Variants in HGSNAT observed in about 807,000 individuals in gnomAD.
HGSNAT encodes heparan-alpha-glucosaminide N-acetyltransferase.
In HGSNAT, 59 loss-of-function variants were observed where a neutral mutation model predicts 85.2. The ratio of observed to expected loss-of-function variants is 0.69; its 90% CI spans 0.56 to 0.86. HGSNAT has a LOEUF of 0.86. HGSNAT is among the 40% of genes least tolerant of loss of function. The pLI, the probability that HGSNAT is intolerant of heterozygous loss-of-function variation, is 0.00. For missense variants in HGSNAT, 756 were observed against 777.1 expected, an observed-to-expected ratio of 0.97 and a Z score of 0.32; for synonymous variants, 321 against 304.5, an observed-to-expected ratio of 1.05 and a Z score of -0.56.
At chr8:43,152,252 T>A (rs1213406649) in intron 2 of HGSNAT, among the ~76,000 whole-genome samples, 2 of 151,918 alleles carry the variant, frequency 1.3e-5, no homozygotes, top group Non-Finnish European at 2.9e-5. Flanking sequence ...GAGCATGCCA[T>A]TGCACTCCAG....
At chr8:43,180,767 G>C in intron 10 of HGSNAT, 1 of 269,730 alleles carries the variant, frequency 3.7e-6, no homozygotes, top group Non-Finnish European at 7.2e-6. Flanking sequence ...GTTGCAGCGA[G>C]CCGAGATCAC....
intron 2 of HGSNAT, among the ~76,000 whole-genome samples, chr8:43,157,363 T>C (rs1453999934): frequency 6.6e-6 from 1 of 152,218 alleles, no homozygotes; most frequent in Non-Finnish European, 1.5e-5. Flanking sequence ...AATATATTGC[T>C]TTAATTTGAT....
At chr8:43,157,040 A>G (rs1803116380) in intron 2 of HGSNAT, among the ~76,000 whole-genome samples, 1 of 152,212 alleles carries the variant, frequency 6.6e-6, no homozygotes, top group Admixed American at 6.5e-5. Flanking sequence ...CCAGATTAGT[A>G]TGGCTATATT....
chr8:43,164,202 G>T (rs1473565019), intron 5 of HGSNAT, among the ~76,000 whole-genome samples: 1 of 152,218 alleles, frequency 6.6e-6, no homozygotes, highest in Non-Finnish European at 1.5e-5. Flanking sequence ...GGGACAGTGG[G>T]TGAGAGGACA....
chr8:43,177,984 C>T, intron 9 of HGSNAT, 90 bp from the exon 10 acceptor site: 1 of 1,044,762 alleles, frequency 9.6e-7, no homozygotes. Flanking sequence ...ATTATGGTTG[C>T]TTCTCTTTTA....
intron 11 of HGSNAT, among the ~76,000 whole-genome samples, chr8:43,183,230 G>A (rs1055013088): frequency 6.6e-6 from 1 of 152,156 alleles, no homozygotes; most frequent in South Asian, 2.1e-4. Flanking sequence ...GCAGGGGCAC[G>A]ATCTCAACTC....
chr8:43,173,649 AC>A (rs1586728478), intron 8 of HGSNAT, 63 bp from the exon 9 acceptor site: 1 of 1,546,452 alleles, frequency 6.5e-7, no homozygotes, highest in East Asian at 2.3e-5. Context: ...TGAAGTCCAC[AC>A]TAGATTTAGG....
intron 17 of HGSNAT, 139 bp from the exon 18 acceptor site, chr8:43,199,249 T>G: frequency 1.7e-6 from 1 of 602,908 alleles, no homozygotes; most frequent in East Asian, 2.8e-5. Context: ...AAGATATGCA[T>G]TACTTATTTT....
At chr8:43,161,320 A>C in intron 4 of HGSNAT, 118 bp from the exon 5 acceptor site, 1 of 721,086 alleles carries the variant, frequency 1.4e-6, no homozygotes, top group Non-Finnish European at 2.3e-6. Context: ...GAAATTCAGC[A>C]TGAGAATATA....
chr8:43,164,608 C>G (rs1422466779), intron 5 of HGSNAT, among the ~76,000 whole-genome samples: 1 of 152,066 alleles, frequency 6.6e-6, no homozygotes, highest in African/African-American at 2.4e-5. Context: ...GGTGAAACCC[C>G]CATCTCTACT....
At chr8:43,178,380 G>A (rs1803888609) in intron 10 of HGSNAT, 146 bp downstream of exon 10, 2 of 553,978 alleles carry the variant, frequency 3.6e-6, no homozygotes, top group African/African-American at 3.9e-5. Context: ...TTGTCTAACT[G>A]TGAGCATTAT....
At chr8:43,155,389 T>A (rs1398197407) in intron 2 of HGSNAT, among the ~76,000 whole-genome samples, 6 of 152,204 alleles carry the variant, frequency 3.9e-5, no homozygotes, top group Admixed American at 6.5e-5. Flanking sequence ...TTTTTTCCCC[T>A]GATACATAAT....
At chr8:43,141,664 C>T (rs978546904) in intron 1 of HGSNAT, among the ~76,000 whole-genome samples, 22 of 151,958 alleles carry the variant, frequency 1.4e-4, no homozygotes, top group African/African-American at 5.3e-4. Flanking sequence ...GTTCAAACGA[C>T]CCCTCCTCTC....
In HGSNAT at chr8:43,172,302, T is replaced by A; in HGVS notation, c.744-8T>A. 6.2e-7 allele frequency: 1 copy of A among 1,605,116 alleles called. No individual in the cohort carries two copies. The highest frequency in any genetic ancestry group is 8.5e-7 in the Non-Finnish European group (1 of 1,171,778). ...CCTGAAAGGCTTCTCTTTGTTGGCT[T>A]CTTCTAGGATTGCTCTTATACTCAT... On this transcript the variant is annotated splice_region_variant and splice_polypyrimidine_tract_variant and intron_variant, in intron 7 of 17. Coordinates refer to ENST00000379644, the MANE Select transcript of HGSNAT (RefSeq NM_152419.3).
intron 9 of HGSNAT, among the ~76,000 whole-genome samples, chr8:43,176,363 T>C (rs537282269): frequency 6.6e-6 from 1 of 152,314 alleles, no homozygotes; most frequent in African/African-American, 2.4e-5. Flanking sequence ...ACTGTAGCTA[T>C]ATGGATTTAG....
Position 43,147,026 on chromosome 8 carries a change from A to AC in HGSNAT, c.198dup (p.Thr68AspfsTer7). The AC allele has an allele frequency of 6.2e-7, 1 of 1,607,420 alleles. No individual in the cohort carries two copies. Among genetic ancestry groups the AC allele is most frequent in the Non-Finnish European group, 8.5e-7 (1 of 1,177,798 alleles). ...ATCCATAATGAACTTCTCTGGACCA[A>AC]CTTGACCGTCTACTGGAAATCTGAA... On this transcript the variant is annotated frameshift_variant, in exon 2 of 18. Transcript: ENST00000379644. LOFTEE classifies it high-confidence loss of function.
At chr8:43,152,254 G>A (rs1802944933) in intron 2 of HGSNAT, among the ~76,000 whole-genome samples, 1 of 152,132 alleles carries the variant, frequency 6.6e-6, no homozygotes, top group African/African-American at 2.4e-5. Context: ...GCATGCCATT[G>A]CACTCCAGCC....
At chr8:43,179,594 T>C in intron 10 of HGSNAT, among the ~76,000 whole-genome samples, 1 of 85,998 alleles carries the variant, frequency 1.2e-5, no homozygotes, top group Non-Finnish European at 2.3e-5. Context: ...GCTCCTCACT[T>C]TCCAGTAGGG....
chr8:43,172,587 C>A (rs1803663823), intron 8 of HGSNAT, among the ~76,000 whole-genome samples: 2 of 152,184 alleles, frequency 1.3e-5, no homozygotes, highest in Admixed American at 1.3e-4. Context: ...CTTTTGTGTG[C>A]TGTGAATCTG....
Sources: gnomAD v4.1 joint callset for allele counts (sites outside exome capture counted in the v4.1 genomes callset) on GRCh38, gnomAD v4.1.1 for gene constraint, MANE v1.5 for transcripts, NCBI Gene and HGNC (gene_info 2026-07-23, HGNC 2026-07-21) for gene names.